SIDT1: variants seen among roughly 807,000 people sequenced by gnomAD.
SIDT1 encodes the protein SID1 transmembrane family, member 1.
SIDT1 carries 101 observed loss-of-function variants against 107.5 expected under a neutral mutation model. That is an observed-to-expected ratio of 0.94 (90% CI 0.80 to 1.11). The LOEUF is 1.11. SIDT1 is among the 50% of genes least tolerant of loss of function. The pLI is 0.00. For missense variants in SIDT1, 1,076 were observed against 1,058.2 expected (o/e 1.02, Z -0.23); for synonymous variants, 395 against 398.2 (o/e 0.99, Z 0.10).
chr3:113,552,451 G>A (rs1293284866), intron 1 of SIDT1, among the ~76,000 whole-genome samples: 2 of 152,084 alleles, frequency 1.3e-5, no homozygotes, highest in African/African-American at 4.8e-5. Flanking sequence ...TTCGTGCAAG[G>A]GTCTTAGCTA....
In SIDT1 at chr3:113,626,139, G is replaced by C. The variant is rs2107861806; in HGVS notation, c.2345G>C (p.Cys782Ser). The change falls in exon 24 of 25, where the codon TGC becomes TCC. Residue 782 changes from cysteine (C) to serine (S), a missense_variant. Cys to Ser is a moderately radical substitution (Grantham distance 112). Coordinates refer to ENST00000264852, the MANE Select transcript of SIDT1 (RefSeq NM_017699.3). ...GAATCCCGGGAGAAGAACCGCGAGT[G>C]CATTCTGCTGGATTTCTTCGATGAC... ...PAESREKNRE[C>S]ILLDFFDDHD... 6.2e-7 allele frequency: 1 copy of C among 1,614,112 alleles called. No homozygotes were observed. Among genetic ancestry groups the C allele is most frequent in the Middle Eastern group, 1.6e-4 (1 of 6,062 alleles).
At chr3:113,600,125 C>A (rs1274477433) in intron 10 of SIDT1, among the ~76,000 whole-genome samples, 1 of 152,080 alleles carries the variant, frequency 6.6e-6, no homozygotes, top group African/African-American at 2.4e-5. Flanking sequence ...GCCTGGCCAA[C>A]ATGGTGAAAC....
At chr3:113,544,264 C>G (rs920501780) in intron 1 of SIDT1, among the ~76,000 whole-genome samples, 2 of 152,096 alleles carry the variant, frequency 1.3e-5, no homozygotes, top group East Asian at 3.8e-4. Context: ...GATCTCGGCT[C>G]ACTGCAATCT....
At chr3:113,631,320 A>G (rs1234990600), downstream of SIDT1, among the ~76,000 whole-genome samples, 1 of 152,196 alleles carries the variant, frequency 6.6e-6, no homozygotes, top group Non-Finnish European at 1.5e-5. Context: ...GCTAAGGAGA[A>G]CGCTTCAGCC....
At chr3:113,599,426 A>G (rs145701551) in intron 10 of SIDT1, among the ~76,000 whole-genome samples, 3 of 152,372 alleles carry the variant, frequency 2.0e-5, no homozygotes, top group East Asian at 1.9e-4. Context: ...TTAGAAAGGT[A>G]TTCTTGAGCA....
chr3:113,631,493 G>A (rs1306916907), downstream of SIDT1, among the ~76,000 whole-genome samples: 2 of 152,180 alleles, frequency 1.3e-5, no homozygotes, highest in African/African-American at 4.8e-5. Context: ...ATTCCACCCA[G>A]CTTATAGTAG....
rs546725172 is a variant in SIDT1, at chr3:113,536,498, T to C, written c.222+3255T>C. On this transcript the variant is annotated intron_variant, in intron 1 of 24. Transcript: ENST00000264852. ...TTTGTTTTCCTCTTTCTTCAAGCCATTGTTGCTTGACATTATTTTTCCTGT... is the reference window on the plus strand; with the variant it reads ...TTTGTTTTCCTCTTTCTTCAAGCCACTGTTGCTTGACATTATTTTTCCTGT... Among the ~76,000 whole-genome samples, 10 of 152,344 alleles carry C rather than the reference T, an allele frequency of 6.6e-5. 1 individual carries two copies. The South Asian group carries it at 2.1e-3, about 32-fold the overall frequency.
chr3:113,567,812 C>G lies in SIDT1; in HGVS notation c.515+102C>G. ...GACTGGTACTCTGGAAGGAAATTAT[C>G]CACTTAGCATATGATTTTAGCACTT... On this transcript the variant is annotated intron_variant, in intron 3 of 24. Transcript: ENST00000264852. 3 of 1,209,994 alleles carry G rather than the reference C, an allele frequency of 2.5e-6. No homozygotes were observed. In the South Asian group the frequency reaches 4.2e-5, roughly 17 times the overall value. 75.0% of individuals were successfully genotyped at this position (1,209,994 alleles called of 1,614,324 possible). A position where few individuals can be genotyped will look rare whatever the true frequency, so the allele number is the denominator to read the frequency against.
At chr3:113,588,014 A>C (rs1161367565) in intron 9 of SIDT1, among the ~76,000 whole-genome samples, 1 of 152,230 alleles carries the variant, frequency 6.6e-6, no homozygotes, top group Non-Finnish European at 1.5e-5. Flanking sequence ...TGTCATAGGA[A>C]GACTGTCTCT....
chr3:113,613,691 A>G (rs1945909537), intron 19 of SIDT1, among the ~76,000 whole-genome samples: 1 of 152,248 alleles, frequency 6.6e-6, no homozygotes, highest in Non-Finnish European at 1.5e-5. Context: ...CAAAAGGAAA[A>G]TAATTGGGAG....
At chr3:113,626,948 G>T (rs1946895989) in intron 24 of SIDT1, among the ~76,000 whole-genome samples, 1 of 152,156 alleles carries the variant, frequency 6.6e-6, no homozygotes, top group African/African-American at 2.4e-5. Context: ...TTCAAGAGTG[G>T]AGCAGGGCTA....
At position 113,601,020 on chromosome 3, in the gene SIDT1, C is replaced by A. The variant is rs139413081; in HGVS notation, c.1046-568C>A. 4.6e-3 allele frequency among the ~76,000 whole-genome samples: 698 copies of A among 152,272 alleles called. 3 individuals are homozygous for A. The highest frequency in any genetic ancestry group is 0.016 in the African/African-American group (659 of 41,556). ...CTGCGTTAGCCAGAAGCCTTGCTGT[C>A]CAGCTGAGCCAGCTCTTGGCTAAAC... On this transcript the variant is annotated intron_variant, in intron 10 of 24. Coordinates refer to ENST00000264852, the MANE Select transcript of SIDT1 (RefSeq NM_017699.3).
chr3:113,545,892 G>A (rs972409264), intron 1 of SIDT1, among the ~76,000 whole-genome samples: 1 of 152,184 alleles, frequency 6.6e-6, no homozygotes. Context: ...TATAGTATAA[G>A]TTTTCATTAG....
intron 1 of SIDT1, among the ~76,000 whole-genome samples, chr3:113,544,315 C>A (rs1008806290): frequency 2.0e-5 from 3 of 152,062 alleles, no homozygotes; most frequent in African/African-American, 7.2e-5. Flanking sequence ...CTCAGCCTCC[C>A]AAGTAGCTGG....
At chr3:113,610,393 G>A (rs1446518838) in intron 17 of SIDT1, among the ~76,000 whole-genome samples, 1 of 152,154 alleles carries the variant, frequency 6.6e-6, no homozygotes, top group Non-Finnish European at 1.5e-5. Context: ...CATCACTAAC[G>A]TTTATTACTG....
intron 1 of SIDT1, among the ~76,000 whole-genome samples, chr3:113,542,143 A>C (rs1047789544): frequency 6.6e-6 from 1 of 151,894 alleles, no homozygotes; most frequent in African/African-American, 2.4e-5. Flanking sequence ...GGCTGTTCTC[A>C]AACTCCTGAC....
chr3:113,536,332 A>G (rs1208002884), intron 1 of SIDT1, among the ~76,000 whole-genome samples: 1 of 152,212 alleles, frequency 6.6e-6, no homozygotes, highest in Non-Finnish European at 1.5e-5. Flanking sequence ...AAGCTTGGAC[A>G]TGACTGGTTT....
chr3:113,597,632 G>T (rs558998414), intron 10 of SIDT1, among the ~76,000 whole-genome samples: 1 of 151,788 alleles, frequency 6.6e-6, no homozygotes, highest in South Asian at 2.1e-4. Flanking sequence ...CCTGAAAGAC[G>T]CAAACATGCT....
intron 15 of SIDT1, among the ~76,000 whole-genome samples, chr3:113,607,625 T>C (rs966504538): frequency 6.6e-6 from 1 of 152,220 alleles, no homozygotes; most frequent in Non-Finnish European, 1.5e-5. Context: ...AGCCTCTTGC[T>C]CCAGAGCTGA....
Sources: allele counts gnomAD v4.1 joint callset (sites outside exome capture counted in the v4.1 genomes callset), GRCh38; gene constraint gnomAD v4.1.1; transcripts MANE v1.5; gene names NCBI Gene and HGNC (gene_info 2026-07-23, HGNC 2026-07-21).